Variants in SNX24 observed in about 807,000 individuals in gnomAD.
The protein encoded by SNX24 is sorting nexin-24.
Under a neutral mutation model 28.7 loss-of-function variants are expected in SNX24, and 22 were observed. The observed-to-expected ratio is 0.77, with a 90% CI of 0.55 to 1.10. SNX24 has a LOEUF of 1.10. SNX24 is among the 50% of genes least tolerant of loss of function. SNX24 has a pLI of 0.00. For missense variants in SNX24, 221 were observed against 201.1 expected (o/e 1.10, Z -0.60); for synonymous variants, 69 against 71.5 (o/e 0.96, Z 0.18).
At chr5:122,846,990 G>A (rs554339153) in intron 1 of SNX24, among the ~76,000 whole-genome samples, 1 of 147,434 alleles carries the variant, frequency 6.8e-6, no homozygotes, top group Admixed American at 6.8e-5. Context: ...TTTTATCCAA[G>A]TCTCTTAAGC....
rs114620834 is a variant in SNX24, at chr5:122,952,658, T to C, written c.249+6499T>C. Among the ~76,000 whole-genome samples, 173 of 152,266 alleles carry C rather than the reference T, an allele frequency of 1.1e-3. 1 individual carries two copies. Among genetic ancestry groups the C allele is most frequent in the African/African-American group, 4.1e-3 (171 of 41,540 alleles). On this transcript the variant is annotated intron_variant, in intron 3 of 6. Transcript: ENST00000261369. ...GACCAAGATGAACTAAAATACTGAC[T>C]CTTCAGGAAAGAGATAATTTGGGAC...
At chr5:123,002,147 C>G in intron 6 of SNX24, 143 bp downstream of exon 6, 1 of 676,480 alleles carries the variant, frequency 1.5e-6, no homozygotes, top group East Asian at 2.6e-5. Flanking sequence ...TTGGTATAAG[C>G]GACACTTAGA....
intron 3 of SNX24, among the ~76,000 whole-genome samples, chr5:122,970,720 G>C (rs1227407027): frequency 2.6e-5 from 4 of 152,126 alleles, no homozygotes; most frequent in Non-Finnish European, 5.9e-5. Flanking sequence ...CGCCCGTCTT[G>C]GCCTCCCAAA....
chr5:123,003,177 TGTCA>T (rs1227105668), intron 6 of SNX24, among the ~76,000 whole-genome samples: 1 of 152,170 alleles, frequency 6.6e-6, no homozygotes, highest in African/African-American at 2.4e-5. Flanking sequence ...CCCACTTAGC[TGTCA>T]GTTTGAAGAA....
intron 1 of SNX24, among the ~76,000 whole-genome samples, chr5:122,914,920 G>A (rs1435543650): frequency 3.9e-5 from 6 of 152,128 alleles, no homozygotes; most frequent in African/African-American, 1.4e-4. Context: ...TAAAAATGAA[G>A]GCTATGGGTT....
intron 1 of SNX24, among the ~76,000 whole-genome samples, chr5:122,934,903 G>A (rs1410978135): frequency 6.6e-6 from 1 of 151,276 alleles, no homozygotes; most frequent in Admixed American, 6.6e-5. Flanking sequence ...AAGAGTAACT[G>A]TGGAACTTGG....
chr5:122,933,765 AAC>A (rs1405959682), intron 1 of SNX24, among the ~76,000 whole-genome samples: 10 of 151,534 alleles, frequency 6.6e-5, no homozygotes, highest in Admixed American at 6.6e-4. Flanking sequence ...TAGGAGTGAA[AAC>A]AGTCCTTGTC....
At chr5:122,931,759 C>T (rs1488519841) in intron 1 of SNX24, among the ~76,000 whole-genome samples, 1 of 151,908 alleles carries the variant, frequency 6.6e-6, no homozygotes, top group Non-Finnish European at 1.5e-5. Context: ...ATATAGAACC[C>T]CCGTCTGTAT....
chr5:122,948,846 C>A lies in SNX24; in HGVS notation c.249+2687C>A, dbSNP rs550452229. 5.3e-5 allele frequency among the ~76,000 whole-genome samples: 8 copies of A among 152,276 alleles called. No individual in the cohort carries two copies. In the South Asian group the frequency reaches 1.7e-3, roughly 32 times the overall value. On this transcript the variant is annotated intron_variant, in intron 3 of 6. Coordinates refer to ENST00000261369, the MANE Select transcript of SNX24 (RefSeq NM_014035.4). ...TCATGTGTTGTGGATTTTTCTAAGTCAGGAGAAATTTTTCAACTTTGACAT... is the reference window on the plus strand; with the variant it reads ...TCATGTGTTGTGGATTTTTCTAAGTAAGGAGAAATTTTTCAACTTTGACAT...
At chr5:122,854,754 G>C (rs1182695938) in intron 1 of SNX24, among the ~76,000 whole-genome samples, 1 of 152,136 alleles carries the variant, frequency 6.6e-6, no homozygotes, top group Non-Finnish European at 1.5e-5. Context: ...TTCTGTACAG[G>C]TATACCTCAG....
intron 1 of SNX24, among the ~76,000 whole-genome samples, chr5:122,885,907 G>A (rs1756686912): frequency 6.6e-6 from 1 of 152,118 alleles, no homozygotes; most frequent in Non-Finnish European, 1.5e-5. Context: ...TAAGGAGTGT[G>A]CACCCTAGAT....
At chr5:122,856,973 A>G (rs1755222480) in intron 1 of SNX24, among the ~76,000 whole-genome samples, 1 of 151,848 alleles carries the variant, frequency 6.6e-6, no homozygotes, top group African/African-American at 2.4e-5. Context: ...ATTCTGAAAG[A>G]TGTGAGATGA....
downstream of SNX24, among the ~76,000 whole-genome samples, chr5:123,012,208 C>T (rs1762595389): frequency 6.6e-6 from 1 of 152,162 alleles, no homozygotes; most frequent in Admixed American, 6.5e-5. Flanking sequence ...TTATAAATTA[C>T]CCACTCTCGG....
intron 1 of SNX24, among the ~76,000 whole-genome samples, chr5:122,927,171 TGAGGAAACTGAG>T (rs1758736740): frequency 6.6e-6 from 1 of 152,124 alleles, no homozygotes; most frequent in Non-Finnish European, 1.5e-5. Flanking sequence ...ATGTTATAGG[TGAGGAAACTGAG>T]GCTTGTACAG....
At chr5:123,020,179 T>C (rs978678697) in intron 5 of SNX24, among the ~76,000 whole-genome samples, 17 of 152,264 alleles carry the variant, frequency 1.1e-4, no homozygotes, top group Non-Finnish European at 1.6e-4. Context: ...CACTTTTGCA[T>C]GTACAAGAGG....
intron 1 of SNX24, among the ~76,000 whole-genome samples, chr5:122,857,339 G>C (rs558938294): frequency 6.6e-6 from 1 of 152,118 alleles, no homozygotes; most frequent in East Asian, 1.9e-4. Flanking sequence ...ACGGTGTAAG[G>C]AAGAGGTTCA....
intron 1 of SNX24, among the ~76,000 whole-genome samples, chr5:122,871,450 G>A (rs202100205): frequency 6.6e-6 from 1 of 152,110 alleles, no homozygotes; most frequent in East Asian, 1.9e-4. Flanking sequence ...ATCTAGGAGT[G>A]GCTTATAAAC....
chr5:123,007,885 T>A lies in SNX24; in HGVS notation c.*136T>A. On this transcript the variant is annotated 3_prime_UTR_variant, in exon 7 of 7. Transcript: ENST00000261369. The stretch of plus-strand genomic sequence containing the variant: ...GGTAAAGTGCACAGTCCCAGCTTAA[T>A]TCAGGGCAGGGACATTTCCATTAGA... 6.8e-7 allele frequency: 1 copy of A among 1,472,992 alleles called. No individual in the cohort carries two copies. The highest frequency in any genetic ancestry group is 1.4e-5 in the South Asian group (1 of 71,704). 91.2% of individuals were successfully genotyped at this position (1,472,992 alleles called of 1,614,324 possible).
intron 5 of SNX24, 93 bp from the exon 6 acceptor site, chr5:123,001,847 G>A (rs149997692): frequency 9.8e-6 from 10 of 1,023,118 alleles, no homozygotes; most frequent in South Asian, 6.5e-5. Context: ...AGACGTCCCC[G>A]CACAGCAGTT....
Sources: gnomAD v4.1 joint callset for allele counts (sites outside exome capture counted in the v4.1 genomes callset) on GRCh38, gnomAD v4.1.1 for gene constraint, MANE v1.5 for transcripts, NCBI Gene and HGNC (gene_info 2026-07-23, HGNC 2026-07-21) for gene names.